UPP2: variants seen among roughly 807,000 people sequenced by gnomAD.
UPP2 encodes the protein uridine phosphorylase 2.
UPP2 carries 23 observed loss-of-function variants against 26.7 expected under a neutral mutation model. The observed-to-expected ratio is 0.86, with a 90% confidence interval of 0.62 to 1.22. UPP2 has a LOEUF of 1.22. Among genes scored for constraint, UPP2 ranks in the 50% most tolerant of loss-of-function variants. The probability of loss-of-function intolerance (pLI) is 0.00; values close to 1 mark genes in which losing one functional copy is unlikely to be tolerated. For missense variants in UPP2, 387 were observed against 396.7 expected (o/e 0.98, Z 0.21); for synonymous variants, 127 against 141.3 (o/e 0.90, Z 0.72).
intron 3 of UPP2, among the ~76,000 whole-genome samples, chr2:158,068,769 T>TATAC (rs1418081669): frequency 2.2e-4 from 1 of 4,512 alleles, no homozygotes; most frequent in East Asian, 2.7e-3. Flanking sequence ...AATTCAAATA[T>TATAC]ATATATATAT....
At chr2:158,059,140 C>T (rs1240122191) in intron 3 of UPP2, among the ~76,000 whole-genome samples, 1 of 152,224 alleles carries the variant, frequency 6.6e-6, no homozygotes, top group East Asian at 1.9e-4. Flanking sequence ...GCCTGACCCA[C>T]TTCCAAAGAA....
chr2:158,128,281 A>G (rs1375483314), intron 6 of UPP2, among the ~76,000 whole-genome samples: 2 of 152,208 alleles, frequency 1.3e-5, no homozygotes, highest in Non-Finnish European at 2.9e-5. Context: ...GTACAGTTCA[A>G]TGAGAGGGAG....
intron 3 of UPP2, among the ~76,000 whole-genome samples, chr2:158,016,432 C>A (rs1462952747): frequency 5.3e-5 from 8 of 152,040 alleles, no homozygotes; most frequent in Admixed American, 2.0e-4. Context: ...CCTCCACCTC[C>A]TGGGTTCAAG....
intron 3 of UPP2, among the ~76,000 whole-genome samples, chr2:158,060,834 G>C (rs1451621395): frequency 1.3e-5 from 2 of 152,206 alleles, no homozygotes; most frequent in Non-Finnish European, 2.9e-5. Flanking sequence ...GTCAGGAAGA[G>C]AGCCCTCACC....
chr2:158,114,148 G>T (rs1184917283), intron 2 of UPP2, among the ~76,000 whole-genome samples: 1 of 152,146 alleles, frequency 6.6e-6, no homozygotes, highest in Non-Finnish European at 1.5e-5. Flanking sequence ...TAACCTCAAA[G>T]GGCAGACCCT....
intron 3 of UPP2, among the ~76,000 whole-genome samples, chr2:158,049,264 T>C (rs907366774): frequency 2.6e-5 from 4 of 152,178 alleles, no homozygotes; most frequent in South Asian, 2.1e-4. Context: ...GCATCTATCA[T>C]GGTGGGCTCT....
At chr2:158,093,120 C>T in intron 3 of UPP2, among the ~76,000 whole-genome samples, 1 of 151,970 alleles carries the variant, frequency 6.6e-6, no homozygotes, top group East Asian at 1.9e-4. Flanking sequence ...GGGGTTTCAC[C>T]ACATTGGCTA....
intron 3 of UPP2, among the ~76,000 whole-genome samples, chr2:158,023,177 G>A (rs1486458188): frequency 7.1e-6 from 1 of 140,778 alleles, no homozygotes; most frequent in East Asian, 2.2e-4. Context: ...AGTCTTTGGA[G>A]AATAGTGCAT....
intron 2 of UPP2, among the ~76,000 whole-genome samples, chr2:158,111,674 G>A (rs916998897): frequency 2.6e-5 from 4 of 151,738 alleles, no homozygotes; most frequent in African/African-American, 9.7e-5. Context: ...CTTTCTTTTG[G>A]GATAGTTGAA....
chr2:158,103,159 T>C lies in UPP2; in HGVS notation c.62+1034T>C, dbSNP rs563532477. On this transcript the variant is annotated intron_variant, in intron 1 of 6. Transcript: ENST00000005756. ...TTGGCATGAAATCCCAAACAAGTTT[T>C]TTCTTTGGTACTGATAAAGTGATCA... Among the ~76,000 whole-genome samples the C allele has an allele frequency of 3.2e-4, 48 of 152,344 alleles. 1 individual carries two copies. Among genetic ancestry groups the C allele is most frequent in the African/African-American group, 1.1e-3 (44 of 41,582 alleles).
At chr2:158,018,611 ATCTC>A (rs1241877767) in intron 3 of UPP2, among the ~76,000 whole-genome samples, 4 of 152,282 alleles carry the variant, frequency 2.6e-5, no homozygotes, top group African/African-American at 9.6e-5. Flanking sequence ...GGGCTGCATA[ATCTC>A]TCTATTTGGA....
At chr2:158,071,763 C>A (rs1682544918) in intron 3 of UPP2, among the ~76,000 whole-genome samples, 1 of 151,972 alleles carries the variant, frequency 6.6e-6, no homozygotes, top group Non-Finnish European at 1.5e-5. Flanking sequence ...GAACCAAGTC[C>A]TGGCAGGATT....
Position 158,104,989 on chromosome 2 carries a change from AGGGAAGGGAGGGGAG to A in UPP2, c.63-1105_63-1091del, listed in dbSNP as rs1558932177. On this transcript the variant is annotated intron_variant, in intron 1 of 6. Transcript: ENST00000005756. ...AGGGAAGGGAAGGGAAGAGAAGGGA[AGGGAAGGGAGGGGAG>A]GGGAGGGGAGGGGAGGGGAGGGGAG... Among the ~76,000 whole-genome samples, 24 of 32,542 alleles carry A rather than the reference AGGGAAGGGAGGGGAG, an allele frequency of 7.4e-4. 2 individuals are homozygous for A. Among genetic ancestry groups the A allele is most frequent in the African/African-American group, 4.5e-3 (21 of 4,662 alleles). 21.3% of individuals were successfully genotyped at this position (32,542 alleles called of 152,430 possible).
intron 3 of UPP2, among the ~76,000 whole-genome samples, chr2:158,078,522 G>A (rs538650558): frequency 6.6e-6 from 1 of 152,258 alleles, no homozygotes; most frequent in African/African-American, 2.4e-5. Context: ...AGTGAAATAA[G>A]CCAGGCACAG....
chr2:158,042,306 G>A (rs1684092409), intron 3 of UPP2, among the ~76,000 whole-genome samples: 1 of 152,078 alleles, frequency 6.6e-6, no homozygotes, highest in South Asian at 2.1e-4. Context: ...GCAGGCCAGG[G>A]AAGAACAACC....
At chr2:158,066,115 G>C in intron 3 of UPP2, 1 of 238,018 alleles carries the variant, frequency 4.2e-6, no homozygotes, top group Non-Finnish European at 8.4e-6. Context: ...ACTTGAGATA[G>C]GACCTGATTT....
intron 3 of UPP2, among the ~76,000 whole-genome samples, chr2:158,017,631 A>G (rs1020069127): frequency 1.3e-5 from 2 of 152,232 alleles, no homozygotes; most frequent in Non-Finnish European, 1.5e-5. Flanking sequence ...AAACTGGGAA[A>G]AGTTCATACT....
At chr2:158,081,117 G>A (rs980060744) in intron 3 of UPP2, among the ~76,000 whole-genome samples, 1 of 152,118 alleles carries the variant, frequency 6.6e-6, no homozygotes, top group Non-Finnish European at 1.5e-5. Context: ...AATGGATACA[G>A]TCTCATAAAT....
chr2:158,070,754 A>C (rs992656795), intron 3 of UPP2, among the ~76,000 whole-genome samples: 2 of 152,238 alleles, frequency 1.3e-5, no homozygotes, highest in Non-Finnish European at 2.9e-5. Flanking sequence ...ACTTTATATC[A>C]TTGAAAGAGG....
Sources: allele counts gnomAD v4.1 joint callset (sites outside exome capture counted in the v4.1 genomes callset), GRCh38; gene constraint gnomAD v4.1.1; transcripts MANE v1.5; gene names NCBI Gene and HGNC (gene_info 2026-07-23, HGNC 2026-07-21).